The following NFIA variants were observed in gnomAD, a reference collection of about 807,000 sequenced individuals.
The protein encoded by NFIA is nuclear factor I A, also known as nuclear factor 1 A-type.
A neutral mutation model predicts 62.8 loss-of-function variants in NFIA; 8 were observed. That is an observed-to-expected ratio of 0.13 (90% CI 0.07 to 0.23). NFIA has a LOEUF of 0.23. Ranked by LOEUF, NFIA falls within the 10% of genes least tolerant of loss-of-function variation. The probability of loss-of-function intolerance (pLI) is 1.00; values close to 1 mark genes in which losing one functional copy is unlikely to be tolerated. For synonymous variants in NFIA, 235 were observed against 238.1 expected (o/e 0.99, Z 0.12); for missense variants, 410 against 642.1 (o/e 0.64, Z 3.91).
intron 2 of NFIA, among the ~76,000 whole-genome samples, chr1:61,115,162 G>T (rs1370967912): frequency 1.3e-5 from 2 of 152,082 alleles, no homozygotes; most frequent in Admixed American, 1.3e-4. Context: ...TGTATTTTTA[G>T]CAGAGACGGG....
chr1:61,405,688 C>G (rs771263482), intron 8 of NFIA, among the ~76,000 whole-genome samples: 7 of 152,172 alleles, frequency 4.6e-5, no homozygotes, highest in Non-Finnish European at 1.0e-4. Flanking sequence ...CCCTATATAA[C>G]TGTCAAATGC....
At chr1:61,238,685 A>G (rs1345651101) in intron 2 of NFIA, among the ~76,000 whole-genome samples, 1 of 152,158 alleles carries the variant, frequency 6.6e-6, no homozygotes, top group African/African-American at 2.4e-5. Flanking sequence ...AGAAAAAAGA[A>G]ATTCTGTCTT....
chr1:61,208,215 G>C (rs1038048037), intron 2 of NFIA, among the ~76,000 whole-genome samples: 1 of 151,990 alleles, frequency 6.6e-6, no homozygotes, highest in African/African-American at 2.4e-5. Flanking sequence ...TTGAACTCTT[G>C]TTTTTGTACA....
chr1:61,303,710 G>C (rs915134176), intron 3 of NFIA, among the ~76,000 whole-genome samples: 3 of 152,130 alleles, frequency 2.0e-5, no homozygotes, highest in Non-Finnish European at 4.4e-5. Context: ...CAGATCTCTG[G>C]GCACTACCCT....
At chr1:61,231,872 C>CAA (rs201132875) in intron 2 of NFIA, among the ~76,000 whole-genome samples, 78 of 148,822 alleles carry the variant, frequency 5.2e-4, no homozygotes, top group Non-Finnish European at 8.5e-4. Flanking sequence ...ACAACAACAA[C>CAA]AAAAAAAAAC....
intron 3 of NFIA, among the ~76,000 whole-genome samples, chr1:61,279,641 A>G (rs1385975666): frequency 3.3e-5 from 5 of 152,150 alleles, no homozygotes; most frequent in Admixed American, 1.3e-4. Context: ...AAATGTGTGG[A>G]CTGTACGGGT....
At chr1:61,258,993 T>G (rs1256915261) in intron 2 of NFIA, among the ~76,000 whole-genome samples, 1 of 152,192 alleles carries the variant, frequency 6.6e-6, no homozygotes, top group Non-Finnish European at 1.5e-5. Context: ...AGTGCTGGGA[T>G]TACAGGCATA....
Position 61,256,023 on chromosome 1 carries a change from C to A in NFIA, c.560-21497C>A, listed in dbSNP as rs547357500. On this transcript the variant is annotated intron_variant, in intron 2 of 10. Transcript: ENST00000403491. The stretch of plus-strand genomic sequence containing the variant: ...ATCGTTTAGTCCAGGCATGTCCAAT[C>A]TTTTGGCTTCCCTCGACCACATTGG... 1.6e-4 allele frequency among the ~76,000 whole-genome samples: 24 copies of A among 152,282 alleles called. 1 individual carries two copies. In the South Asian group the frequency reaches 5.0e-3, roughly 32 times the overall value.
At chr1:61,231,609 G>T (rs1038682998) in intron 2 of NFIA, among the ~76,000 whole-genome samples, 3 of 152,140 alleles carry the variant, frequency 2.0e-5, no homozygotes, top group Admixed American at 2.0e-4. Context: ...AAATAGCTCA[G>T]CCTTTAAGAA....
At chr1:61,283,918 G>A (rs1378986762) in intron 3 of NFIA, among the ~76,000 whole-genome samples, 1 of 152,160 alleles carries the variant, frequency 6.6e-6, no homozygotes, top group East Asian at 1.9e-4. Flanking sequence ...GTGTCATTTA[G>A]TTGGGTGATT....
At chr1:61,428,777 A>G (rs191971729) in intron 10 of NFIA, among the ~76,000 whole-genome samples, 2 of 152,316 alleles carry the variant, frequency 1.3e-5, no homozygotes, top group East Asian at 3.9e-4. Context: ...ACATAATTAG[A>G]ACATGGTCGG....
At position 61,462,323 on chromosome 1, in the gene NFIA, A is replaced by C. The variant is rs1334987033; in HGVS notation, c.*7003A>C. 6.6e-6 allele frequency: 1 copy of C among 151,786 alleles called. No homozygotes were observed. Among genetic ancestry groups the C allele is most frequent in the Admixed American group, 6.6e-5 (1 of 15,246 alleles). The allele number at this position is 151,786 out of a possible 1,614,324, so 9.4% of individuals were successfully genotyped here. A position where few individuals can be genotyped will look rare whatever the true frequency, so the allele number is the denominator to read the frequency against. On this transcript the variant is annotated 3_prime_UTR_variant, in exon 11 of 11. Coordinates refer to ENST00000403491, the MANE Select transcript of NFIA (RefSeq NM_001134673.4). The stretch of plus-strand genomic sequence containing the variant: ...GCCCCACCCTTAGCCCTGCCCTCTC[A>C]CCAGAGCAAAATTCACTGGGGACTT...
chr1:61,094,736 G>A (rs1646381589), intron 2 of NFIA, among the ~76,000 whole-genome samples: 1 of 152,152 alleles, frequency 6.6e-6, no homozygotes, highest in South Asian at 2.1e-4. Context: ...TTGCTGCTTA[G>A]ACAGAAATGA....
intron 2 of NFIA, among the ~76,000 whole-genome samples, chr1:61,180,125 G>C (rs1650659294): frequency 6.6e-6 from 1 of 152,120 alleles, no homozygotes; most frequent in African/African-American, 2.4e-5. Flanking sequence ...GGATGCCCCT[G>C]ATTGTGTCCC....
chr1:61,294,110 A>T (rs1380939866), intron 3 of NFIA, among the ~76,000 whole-genome samples: 1 of 152,202 alleles, frequency 6.6e-6, no homozygotes, highest in Non-Finnish European at 1.5e-5. Context: ...AGTTTACTAG[A>T]GAAGTTTGAT....
At chr1:61,284,320 T>A (rs911808670) in intron 3 of NFIA, among the ~76,000 whole-genome samples, 2 of 152,232 alleles carry the variant, frequency 1.3e-5, no homozygotes, top group African/African-American at 4.8e-5. Context: ...GAATTTGGTT[T>A]CATCTGAAAT....
At chr1:61,274,997 G>C (rs1657722610) in intron 2 of NFIA, among the ~76,000 whole-genome samples, 1 of 152,168 alleles carries the variant, frequency 6.6e-6, no homozygotes, top group Non-Finnish European at 1.5e-5. Context: ...TTTTCTTGTA[G>C]ATCTTTGGCT....
chr1:61,452,733 C>A (rs1668113823), intron 10 of NFIA, among the ~76,000 whole-genome samples: 1 of 152,146 alleles, frequency 6.6e-6, no homozygotes, highest in African/African-American at 2.4e-5. Context: ...AGCCCAAAAA[C>A]CTGGAGTCAG....
intron 2 of NFIA, among the ~76,000 whole-genome samples, chr1:61,093,304 A>G (rs970294043): frequency 1.3e-5 from 2 of 152,056 alleles, no homozygotes; most frequent in African/African-American, 4.8e-5. Flanking sequence ...TTATTAATAA[A>G]GTGTGTTTGG....
Sources: gnomAD v4.1 joint callset for allele counts (sites outside exome capture counted in the v4.1 genomes callset) on GRCh38, gnomAD v4.1.1 for gene constraint, MANE v1.5 for transcripts, NCBI Gene and HGNC (gene_info 2026-07-23, HGNC 2026-07-21) for gene names.